Variants in LAMA2 observed in about 807,000 individuals in gnomAD.
LAMA2 encodes laminin subunit alpha-2.
Under a neutral mutation model 364.8 loss-of-function variants are expected in LAMA2, and 269 were observed. That is an observed-to-expected ratio of 0.74 (90% confidence interval 0.67 to 0.82). LAMA2 has a LOEUF of 0.82. Among genes scored for constraint, LAMA2 ranks in the 40% least tolerant of loss-of-function variants. The probability of loss-of-function intolerance (pLI) is 0.00; values close to 1 mark genes in which losing one functional copy is unlikely to be tolerated. For synonymous variants in LAMA2, 1,379 were observed against 1,370.6 expected (o/e 1.01, Z -0.14); for missense variants, 3,807 against 3,873.2 (o/e 0.98, Z 0.45).
rs1274132923 is a variant in LAMA2 at position 129,270,701 on chromosome 6, C to A, written c.2400C>A (p.Thr800=). ...PGFYGEPTKG[T]SEDCQPCACP... ...TCTATGGCGAGCCTACTAAAGGAACCTCTGAAGACTGTCAACCCTGTGCCT... is the reference window on the plus strand; with the variant it reads ...TCTATGGCGAGCCTACTAAAGGAACATCTGAAGACTGTCAACCCTGTGCCT... The change falls in exon 17 of 65, where the codon ACC becomes ACA. Residue 800 remains threonine (T), a synonymous_variant. Transcript: ENST00000421865. 1 of 1,613,202 alleles carries A rather than the reference C, an allele frequency of 6.2e-7. No homozygotes were observed. Among genetic ancestry groups the A allele is most frequent in the Non-Finnish European group, 8.5e-7 (1 of 1,179,470 alleles).
At chr6:129,066,651 C>T (rs562899046) in intron 3 of LAMA2, among the ~76,000 whole-genome samples, 2 of 152,168 alleles carry the variant, frequency 1.3e-5, no homozygotes, top group South Asian at 2.1e-4. Flanking sequence ...AAGCTGGAAG[C>T]ATCACACTAT....
At chr6:129,117,186 A>G (rs1255854317) in intron 4 of LAMA2, among the ~76,000 whole-genome samples, 4 of 152,288 alleles carry the variant, frequency 2.6e-5, no homozygotes, top group Non-Finnish European at 5.9e-5. Flanking sequence ...ATTAGCAATG[A>G]ATTCTCAGAG....
At chr6:129,352,386 A>G (rs748343657) in intron 31 of LAMA2, among the ~76,000 whole-genome samples, 2 of 152,220 alleles carry the variant, frequency 1.3e-5, no homozygotes, top group Non-Finnish European at 2.9e-5. Flanking sequence ...ACTTTTCCAA[A>G]TCAGTGTTAT....
At chr6:129,181,531 A>G (rs1033360055) in intron 10 of LAMA2, among the ~76,000 whole-genome samples, 7 of 152,154 alleles carry the variant, frequency 4.6e-5, no homozygotes, top group Non-Finnish European at 5.9e-5. Context: ...AGAAACATGT[A>G]TAATTTACTT....
At chr6:128,931,760 G>T (rs75146049) in intron 1 of LAMA2, among the ~76,000 whole-genome samples, 2 of 152,068 alleles carry the variant, frequency 1.3e-5, no homozygotes, top group African/African-American at 4.8e-5. Flanking sequence ...TAGCTTTCAA[G>T]CATTTCTTTG....
intron 1 of LAMA2, among the ~76,000 whole-genome samples, chr6:129,048,646 C>T (rs1787772887): frequency 7.1e-6 from 1 of 141,414 alleles, no homozygotes; most frequent in Non-Finnish European, 1.5e-5. Context: ...ACAGAGTCTT[C>T]CTCTGTCTCC....
intron 2 of LAMA2, among the ~76,000 whole-genome samples, chr6:129,059,458 T>G (rs897446193): frequency 1.3e-5 from 2 of 152,194 alleles, no homozygotes; most frequent in Non-Finnish European, 2.9e-5. Context: ...ACAAGTCAAT[T>G]AGATTTTAAC....
chr6:129,108,553 C>T (rs1775964434), intron 4 of LAMA2, among the ~76,000 whole-genome samples: 1 of 152,038 alleles, frequency 6.6e-6, no homozygotes, highest in African/African-American at 2.4e-5. Flanking sequence ...AATCCCGCCC[C>T]TCTACACACC....
At chr6:129,225,076 C>T (rs1201258382) in intron 12 of LAMA2, among the ~76,000 whole-genome samples, 2 of 152,114 alleles carry the variant, frequency 1.3e-5, no homozygotes, top group African/African-American at 2.4e-5. Context: ...GTGTATGTGT[C>T]CAGGAATCTA....
Position 129,473,349 on chromosome 6 carries a change from T to G in LAMA2, c.7436T>G (p.Leu2479Trp), listed in dbSNP as rs754842981. ...GGTGGCCTGCCAACGCTGAGAAACT[T>G]GAGGTAATTTAGTTTATATGTAAAG... Reference protein sequence around the residue: ...YFGGLPTLRNLSMKARPEVNL... With the variant: ...YFGGLPTLRNWSMKARPEVNL... Residue 2479 changes from leucine to tryptophan, a missense_variant, in exon 52 of 65, where the codon TTG (leucine) becomes TGG (tryptophan). Physicochemically the swap from Leu to Trp is moderately conservative, Grantham distance 61. Transcript: ENST00000421865. 1.2e-6 allele frequency: 2 copies of G among 1,612,102 alleles called. No individual in the cohort carries two copies. The highest frequency in any genetic ancestry group is 1.7e-6 in the Non-Finnish European group (2 of 1,178,700).
intron 3 of LAMA2, among the ~76,000 whole-genome samples, chr6:129,073,455 T>C (rs62423276): frequency 0.11 from 16,381 of 152,190 alleles, 914 homozygotes; most frequent in East Asian, 0.16. Context: ...TTTTCTCGAA[T>C]GTTGTTACTG....
chr6:129,182,410 C>T (rs1780985265), intron 10 of LAMA2, among the ~76,000 whole-genome samples: 1 of 151,434 alleles, frequency 6.6e-6, no homozygotes. Flanking sequence ...AAAACTCTTA[C>T]AATGTATAGA....
chr6:129,044,640 A>G (rs1200439076), intron 1 of LAMA2, among the ~76,000 whole-genome samples: 3 of 151,836 alleles, frequency 2.0e-5, no homozygotes, highest in Non-Finnish European at 2.9e-5. Context: ...AATACATAGT[A>G]TAAACAGAAT....
chr6:129,038,249 C>T (rs1455188394), intron 1 of LAMA2, among the ~76,000 whole-genome samples: 2 of 152,002 alleles, frequency 1.3e-5, no homozygotes, highest in Non-Finnish European at 2.9e-5. Context: ...CACTTTTTTT[C>T]TATAGATATT....
rs532600244 is a variant in LAMA2 at position 129,290,273 on chromosome 6, A to G, written c.2750-1341A>G. 1.1e-4 allele frequency among the ~76,000 whole-genome samples: 17 copies of G among 152,308 alleles called. 1 individual carries two copies. Among genetic ancestry groups the G allele is most frequent in the African/African-American group, 3.8e-4 (16 of 41,584 alleles). ...CATAAGAAACTTTCATAAAATAATA[A>G]AAGTATATACAAATTCGATAAATCA... On this transcript the variant is annotated intron_variant, in intron 19 of 64. Transcript: ENST00000421865.
At chr6:129,380,885 T>TA (rs1211748395) in intron 34 of LAMA2, among the ~76,000 whole-genome samples, 4 of 152,156 alleles carry the variant, frequency 2.6e-5, no homozygotes, top group African/African-American at 9.7e-5. Context: ...TGATGACTCT[T>TA]ACACATTACT....
At chr6:129,173,941 AATATTAAAAACAGTGATAGT>A (rs1487760625) in intron 9 of LAMA2, among the ~76,000 whole-genome samples, 1 of 152,164 alleles carries the variant, frequency 6.6e-6, no homozygotes, top group African/African-American at 2.4e-5. Flanking sequence ...GAGCACTTTA[AATATTAAAAACAGTGATAGT>A]ATATCATTTT....
chr6:129,238,555 ATG>A (rs10556188), intron 12 of LAMA2, among the ~76,000 whole-genome samples: 8,155 of 146,566 alleles, frequency 0.056, 242 homozygotes, highest in Non-Finnish European at 0.06. Flanking sequence ...GAGCGTGTTC[ATG>A]TGTGTGTGTG....
At chr6:128,929,021 G>A (rs772460975) in intron 1 of LAMA2, 242 of 1,404,626 alleles carry the variant, frequency 1.7e-4, no homozygotes, top group Admixed American at 3.7e-4. Context: ...GCCCATATAT[G>A]CATTCAAGAA....
Sources: gnomAD v4.1 joint callset for allele counts (sites outside exome capture counted in the v4.1 genomes callset) on GRCh38, gnomAD v4.1.1 for gene constraint, MANE v1.5 for transcripts, NCBI Gene and HGNC (gene_info 2026-07-23, HGNC 2026-07-21) for gene names.